Variants in FAM120B observed in about 807,000 individuals in gnomAD.
FAM120B encodes family with sequence similarity 120 member B, also known as constitutive coactivator of peroxisome proliferator-activated receptor gamma.
A neutral mutation model predicts 96.3 loss-of-function variants in FAM120B; 83 were observed. That is an observed-to-expected ratio of 0.86 (90% CI 0.72 to 1.03). FAM120B has a LOEUF of 1.03. Among genes scored for constraint, FAM120B ranks in the 50% least tolerant of loss-of-function variants. The pLI, the probability that FAM120B is intolerant of heterozygous loss-of-function variation, is 0.00. For synonymous variants in FAM120B, 407 were observed against 402.7 expected (o/e 1.01, Z -0.13); for missense variants, 1,027 against 1,121.2 (o/e 0.92, Z 1.20).
At chr6:170,315,260 T>C (rs1297397333) in intron 1 of FAM120B, among the ~76,000 whole-genome samples, 1 of 152,210 alleles carries the variant, frequency 6.6e-6, no homozygotes, top group Non-Finnish European at 1.5e-5. Context: ...GCAAGGCCTG[T>C]TTAAATTAAA....
At chr6:170,335,429 T>G (rs1242785495) in intron 4 of FAM120B, among the ~76,000 whole-genome samples, 1 of 152,228 alleles carries the variant, frequency 6.6e-6, no homozygotes, top group Non-Finnish European at 1.5e-5. Flanking sequence ...GGTGTGTGTA[T>G]GCCACATTTT....
chr6:170,316,106 C>T (rs1462156855), intron 1 of FAM120B, among the ~76,000 whole-genome samples: 1 of 150,070 alleles, frequency 6.7e-6, no homozygotes, highest in Non-Finnish European at 1.5e-5. Flanking sequence ...AAAAGATAGT[C>T]CTGTGAGGAT....
At chr6:170,333,975 C>T (rs1786245239) in intron 4 of FAM120B, among the ~76,000 whole-genome samples, 1 of 152,200 alleles carries the variant, frequency 6.6e-6, no homozygotes, top group African/African-American at 2.4e-5. Flanking sequence ...AGCACACTGC[C>T]TGCTCTCACT....
At chr6:170,371,142 C>A (rs1265143861) in intron 6 of FAM120B, among the ~76,000 whole-genome samples, 6 of 152,134 alleles carry the variant, frequency 3.9e-5, no homozygotes, top group Non-Finnish European at 7.4e-5. Context: ...CTCCCTCCCC[C>A]CAGCCCCAGC....
At chr6:170,309,320 C>T (rs773396973) in intron 1 of FAM120B, among the ~76,000 whole-genome samples, 1 of 152,212 alleles carries the variant, frequency 6.6e-6, no homozygotes, top group South Asian at 2.1e-4. Flanking sequence ...TTTTAAATTT[C>T]CCTAATATGA....
chr6:170,351,162 G>A (rs1293180555), intron 5 of FAM120B, among the ~76,000 whole-genome samples: 1 of 152,190 alleles, frequency 6.6e-6, no homozygotes, highest in Non-Finnish European at 1.5e-5. Flanking sequence ...AATTACAAGT[G>A]TCAATAGCAG....
intron 4 of FAM120B, among the ~76,000 whole-genome samples, chr6:170,347,190 G>A (rs935653593): frequency 6.6e-6 from 1 of 152,164 alleles, no homozygotes; most frequent in South Asian, 2.1e-4. Context: ...TTGGTTAGTA[G>A]GTTCTGTTTC....
intron 5 of FAM120B, among the ~76,000 whole-genome samples, chr6:170,355,572 C>T (rs117327436): frequency 2.0e-5 from 3 of 150,224 alleles, no homozygotes; most frequent in Non-Finnish European, 4.4e-5. Context: ...GTGAGGGGGT[C>T]GGGGAGGGGG....
intron 9 of FAM120B, among the ~76,000 whole-genome samples, chr6:170,397,706 A>T (rs1398912516): frequency 6.6e-6 from 1 of 152,170 alleles, no homozygotes; most frequent in Non-Finnish European, 1.5e-5. Flanking sequence ...CTACTGGGTG[A>T]AGCGGGCATC....
rs140719090 is a variant in FAM120B at position 170,313,712 on chromosome 6, C to G, written c.-21-3658C>G. Reference sequence around the variant, plus strand: ...TGCTAATGGACTGTGTGAGCTTGAGCTCCTCTAGTGCTCTGATCCAGCTTC... The same window carrying G: ...TGCTAATGGACTGTGTGAGCTTGAGGTCCTCTAGTGCTCTGATCCAGCTTC... On this transcript the variant is annotated intron_variant, in intron 1 of 10. Transcript: ENST00000476287. Among the ~76,000 whole-genome samples, 8 of 152,336 alleles carry G rather than the reference C, an allele frequency of 5.3e-5. No individual in the cohort carries two copies. The East Asian group carries it at 1.5e-3, about 29-fold the overall frequency.
In FAM120B at chr6:170,326,219, A is replaced by G. The variant is rs537404373; in HGVS notation, c.1915+2960A>G. Among the ~76,000 whole-genome samples, 62 of 152,324 alleles carry G rather than the reference A, an allele frequency of 4.1e-4. 1 individual carries two copies. In the South Asian group the frequency reaches 0.012, roughly 30 times the overall value. On this transcript the variant is annotated intron_variant, in intron 3 of 10. Coordinates refer to ENST00000476287, the MANE Select transcript of FAM120B (RefSeq NM_032448.3). The stretch of plus-strand genomic sequence containing the variant: ...GAAAGTTAACATCAGGTACAATGCT[A>G]ACTAAACTGCAGACCTTATTCAGTT...
At chr6:170,325,799 C>A (rs1785551942) in intron 3 of FAM120B, among the ~76,000 whole-genome samples, 1 of 150,460 alleles carries the variant, frequency 6.6e-6, no homozygotes, top group Non-Finnish European at 1.5e-5. Flanking sequence ...CAAGGTCACA[C>A]CATTGCACTC....
rs566399370 is a variant in FAM120B at position 170,316,637 on chromosome 6, T to C, written c.-21-733T>C. ...GTCAGTCAATCACTATCTCAGATAC[T>C]ACAACATTTGGCATAGTGAATTTTA... On this transcript the variant is annotated intron_variant, in intron 1 of 10. Coordinates refer to ENST00000476287, the MANE Select transcript of FAM120B (RefSeq NM_032448.3). Among the ~76,000 whole-genome samples, 3 of 152,380 alleles carry C rather than the reference T, an allele frequency of 2.0e-5. No homozygotes were observed. The South Asian group carries it at 6.2e-4, about 32-fold the overall frequency.
At chr6:170,297,068 G>C (rs998864545) in intron 1 of FAM120B, among the ~76,000 whole-genome samples, 3 of 152,218 alleles carry the variant, frequency 2.0e-5, no homozygotes, top group African/African-American at 4.8e-5. Context: ...TCAAGGCCCA[G>C]AGCTCAGAGG....
chr6:170,380,644 G>C (rs936177977), intron 6 of FAM120B, among the ~76,000 whole-genome samples: 1 of 152,220 alleles, frequency 6.6e-6, no homozygotes, highest in Non-Finnish European at 1.5e-5. Flanking sequence ...TTTGTGTACT[G>C]TCTTTAGAGA....
chr6:170,394,243 G>A (rs1217619902), intron 8 of FAM120B, among the ~76,000 whole-genome samples: 1 of 152,220 alleles, frequency 6.6e-6, no homozygotes, highest in Non-Finnish European at 1.5e-5. Context: ...AGGTGAGTCA[G>A]CCTTAGAGAC....
chr6:170,391,255 C>T (rs1790464707), intron 8 of FAM120B, 134 bp downstream of exon 8: 5 of 699,000 alleles, frequency 7.2e-6, no homozygotes, highest in Non-Finnish European at 1.3e-5. Flanking sequence ...AATGATAGGG[C>T]CGGGTGCGGT....
intron 4 of FAM120B, among the ~76,000 whole-genome samples, chr6:170,333,718 G>A (rs115936110): frequency 0.019 from 2,928 of 152,138 alleles, 99 homozygotes; most frequent in African/African-American, 0.067. Context: ...ACTCCTGGCC[G>A]CAAATGATCC....
chr6:170,334,771 T>A (rs1373877985), intron 4 of FAM120B, among the ~76,000 whole-genome samples: 8 of 152,134 alleles, frequency 5.3e-5, no homozygotes, highest in Non-Finnish European at 8.8e-5. Context: ...CACATTAGAG[T>A]CACAAGGGTT....
Sources: allele counts gnomAD v4.1 joint callset (sites outside exome capture counted in the v4.1 genomes callset), GRCh38; gene constraint gnomAD v4.1.1; transcripts MANE v1.5; gene names NCBI Gene and HGNC (gene_info 2026-07-23, HGNC 2026-07-21).